Variants in RCN3 observed in about 807,000 individuals in gnomAD.
RCN3 encodes reticulocalbin-3.
A neutral mutation model predicts 35.9 loss-of-function variants in RCN3; 41 were observed. That is an observed-to-expected ratio of 1.14 (90% CI 0.89 to 1.48). RCN3 has a LOEUF of 1.48. Ranked by LOEUF, RCN3 falls within the 40% of genes most tolerant of loss-of-function variation. The probability of loss-of-function intolerance (pLI) is 0.00; values close to 1 mark genes in which losing one functional copy is unlikely to be tolerated. For synonymous variants in RCN3, 187 were observed against 193.4 expected (o/e 0.97, Z 0.27); for missense variants, 451 against 471.3 (o/e 0.96, Z 0.40).
chr19:49,535,881 G>T (rs1304286838), intron 3 of RCN3, among the ~76,000 whole-genome samples: 13 of 147,500 alleles, frequency 8.8e-5, no homozygotes, highest in African/African-American at 2.7e-4. Flanking sequence ...TATATAGATA[G>T]ATAGATAGAT....
rs73582463 is a variant in RCN3 at position 49,534,189 on chromosome 19, C to G, written c.243-4C>G. On this transcript the variant is annotated splice_region_variant and splice_polypyrimidine_tract_variant and intron_variant, in intron 2 of 6. Coordinates refer to ENST00000270645, the MANE Select transcript of RCN3 (RefSeq NM_020650.3). ...GCCTGACGTGTGCCCGCCCCGGCTT[C>G]TAGGCGGATCGTGGACCGCATGGAC... The G allele has an allele frequency of 0.079, 117,586 of 1,485,132 alleles. 5,528 individuals are homozygous for G. The highest frequency in any genetic ancestry group is 0.18 in the African/African-American group (12,447 of 68,578). 92.0% of individuals were successfully genotyped at this position (1,485,132 alleles called of 1,614,324 possible). A position where few individuals can be genotyped will look rare whatever the true frequency, so the allele number is the denominator to read the frequency against.
intron 2 of RCN3, among the ~76,000 whole-genome samples, chr19:49,532,465 T>TG (rs2080113470): frequency 1.3e-5 from 2 of 151,550 alleles, no homozygotes; most frequent in East Asian, 3.9e-4. Flanking sequence ...AACCTACGCC[T>TG]CCTGGGTTCA....
chr19:49,528,614 G>T lies in RCN3; in HGVS notation c.142G>T (p.Ala48Ser), dbSNP rs2080093325. The change falls in exon 2 of 7, where the codon GCC (alanine) becomes TCC (serine). Residue 48 changes from alanine to serine, a missense_variant. Coordinates refer to ENST00000270645, the MANE Select transcript of RCN3 (RefSeq NM_020650.3). ...APLSDAPHDD[A>S]HGNFQYDHEA... Reference sequence around the variant, plus strand: ...CCTGAGCGACGCTCCCCATGATGACGCCCACGGGAACTTCCAGTACGACCA... The same window carrying T: ...CCTGAGCGACGCTCCCCATGATGACTCCCACGGGAACTTCCAGTACGACCA... 1 of 1,611,960 alleles carries T rather than the reference G, an allele frequency of 6.2e-7. No homozygotes were observed. Among genetic ancestry groups the T allele is most frequent in the South Asian group, 1.1e-5 (1 of 90,688 alleles).
rs369159784 is a variant in RCN3, at chr19:49,543,302, G to A, written c.*89G>A. 2,979 of 1,065,504 alleles carry A rather than the reference G, an allele frequency of 2.8e-3. 80 individuals are homozygous for A. In the South Asian group the frequency reaches 0.037, roughly 13 times the overall value. The allele number at this position is 1,065,504 out of a possible 1,614,324, so 66.0% of individuals were successfully genotyped here. On this transcript the variant is annotated 3_prime_UTR_variant, in exon 7 of 7. Coordinates refer to ENST00000270645, the MANE Select transcript of RCN3 (RefSeq NM_020650.3). ...CTGGCCCCCTCCCTGTCCAGGCCCC[G>A]CAGGAGGCAGATGCAGTCCCAGGCA...
chr19:49,529,114 G>A (rs1435820646), intron 2 of RCN3, among the ~76,000 whole-genome samples: 1 of 152,166 alleles, frequency 6.6e-6, no homozygotes, highest in Non-Finnish European at 1.5e-5. Context: ...CTGGGAGGTG[G>A]AGGTTGCAGT....
At position 49,533,939 on chromosome 19, in the gene RCN3, C is replaced by G. The variant is rs552236454; in HGVS notation, c.243-254C>G. 1.7e-4 allele frequency among the ~76,000 whole-genome samples: 26 copies of G among 152,112 alleles called. No homozygotes were observed. In the South Asian group the frequency reaches 2.7e-3, roughly 16 times the overall value. ...CCTGCATCGTAGTAGGTCCCTCCCC[C>G]GCAGTGCTCCCAGCAGGCCCGCTCG... On this transcript the variant is annotated intron_variant, in intron 2 of 6. Coordinates refer to ENST00000270645, the MANE Select transcript of RCN3 (RefSeq NM_020650.3).
intron 5 of RCN3, among the ~76,000 whole-genome samples, chr19:49,540,301 A>C (rs2080157202): frequency 6.6e-6 from 1 of 151,734 alleles, no homozygotes; most frequent in Non-Finnish European, 1.5e-5. Context: ...ATGAATCACC[A>C]CACCTGGCTG....
Position 49,528,547 on chromosome 19 carries a change from C to T in RCN3, c.75C>T (p.Asp25=), listed in dbSNP as rs1347633135. Residue 25 remains aspartate, a synonymous_variant, in exon 2 of 7, where the codon GAC becomes GAT. Coordinates refer to ENST00000270645, the MANE Select transcript of RCN3 (RefSeq NM_020650.3). ...RHGAQGKPSP[D]AGPHGQGRVH... ...GGGCCCAGGGGAAGCCATCCCCAGA[C>T]GCAGGCCCTCATGGCCAGGGGAGGG... 16 of 1,588,112 alleles carry T rather than the reference C, an allele frequency of 1.0e-5. No individual in the cohort carries two copies. The highest frequency in any genetic ancestry group is 1.7e-4 in the Middle Eastern group (1 of 5,948).
Position 49,528,715 on chromosome 19 carries a change from G to A in RCN3, c.242+1G>A. 1 of 1,575,508 alleles carries A rather than the reference G, an allele frequency of 6.3e-7. No homozygotes were observed. The highest frequency in any genetic ancestry group is 1.8e-5 in the Admixed American group (1 of 54,964). On this transcript the variant is annotated splice_donor_variant, in intron 2 of 6. Coordinates refer to ENST00000270645, the MANE Select transcript of RCN3 (RefSeq NM_020650.3). LOFTEE classifies it high-confidence loss of function. ...CAGAGGAAAGCCAGGCCCGTCTGGGGTAAGAGAGACATTCGGTTGGGGCGT... is the reference window on the plus strand; with the variant it reads ...CAGAGGAAAGCCAGGCCCGTCTGGGATAAGAGAGACATTCGGTTGGGGCGT...
chr19:49,536,398 T>A (rs7246782), intron 3 of RCN3, among the ~76,000 whole-genome samples: 164 of 149,612 alleles, frequency 1.1e-3, no homozygotes, highest in African/African-American at 3.8e-3. Flanking sequence ...CCTCCTGGGT[T>A]CAAGCAATTC....
chr19:49,535,251 T>C (rs2080128634), intron 3 of RCN3, among the ~76,000 whole-genome samples: 1 of 152,168 alleles, frequency 6.6e-6, no homozygotes, highest in Non-Finnish European at 1.5e-5. Flanking sequence ...CTGCCCATAT[T>C]GTTCCCTCCA....
chr19:49,537,240 C>G (rs754434756), intron 4 of RCN3, 35 bp downstream of exon 4: 1 of 1,426,466 alleles, frequency 7.0e-7, no homozygotes, highest in East Asian at 2.7e-5. Flanking sequence ...TCCCCCACAC[C>G]CTTCCGGGGA....
rs1209764374 is a variant in RCN3 at position 49,543,118 on chromosome 19, A to G, written c.892A>G (p.Ser298Gly). ...ACCCTCCCTCCAGGATGGGCGGCTG[A>G]GCAAAGCGGAAATCCTGGGTAATTG... The part of the protein sequence containing the change: ...ESDTDKDGRL[S>G]KAEILGNWNM... The change falls in exon 7 of 7, where the codon AGC becomes GGC. Residue 298 changes from serine (S) to glycine (G), a missense_variant. Ser to Gly is a moderately conservative substitution (Grantham distance 56). Transcript: ENST00000270645. 3.0e-5 allele frequency: 49 copies of G among 1,613,936 alleles called. No individual in the cohort carries two copies. The highest frequency in any genetic ancestry group is 3.6e-5 in the Non-Finnish European group (42 of 1,179,980).
Position 49,537,136 on chromosome 19 carries a change from C to T in RCN3, c.549C>T (p.Ala183=), listed in dbSNP as rs764998563. Residue 183 remains alanine, a synonymous_variant, in exon 4 of 7, where the codon GCC becomes GCT. Coordinates refer to ENST00000270645, the MANE Select transcript of RCN3 (RefSeq NM_020650.3). ...RVADQDGDSM[A]TREELTAFLH... Reference sequence around the variant, plus strand: ...CCGACCAGGATGGGGACTCGATGGCCACTCGAGAGGAGCTGACAGCCTTCC... The same window carrying T: ...CCGACCAGGATGGGGACTCGATGGCTACTCGAGAGGAGCTGACAGCCTTCC... The T allele has an allele frequency of 6.3e-7, 1 of 1,597,990 alleles. No individual in the cohort carries two copies. Among genetic ancestry groups the T allele is most frequent in the South Asian group, 1.1e-5 (1 of 89,398 alleles).
intron 5 of RCN3, among the ~76,000 whole-genome samples, chr19:49,540,504 C>T (rs964945364): frequency 6.6e-6 from 1 of 151,958 alleles, no homozygotes; most frequent in Admixed American, 6.6e-5. Flanking sequence ...CCTGTAATCC[C>T]AGTTACTCTG....
At chr19:49,539,720 T>C (rs1475203019) in intron 5 of RCN3, among the ~76,000 whole-genome samples, 10 of 69,570 alleles carry the variant, frequency 1.4e-4, no homozygotes, top group Non-Finnish European at 2.0e-4. Context: ...AACAAGGAAT[T>C]TTTTTTTTTT....
At chr19:49,528,366 C>G in intron 1 of RCN3, 101 bp from the exon 2 acceptor site, 1 of 1,183,622 alleles carries the variant, frequency 8.4e-7, no homozygotes, top group Non-Finnish European at 1.1e-6. Flanking sequence ...ACTTCCAACT[C>G]CCTGTCCTGT....
chr19:49,532,501 G>A (rs560412777), intron 2 of RCN3, among the ~76,000 whole-genome samples: 5 of 151,524 alleles, frequency 3.3e-5, no homozygotes, highest in African/African-American at 1.2e-4. Context: ...TCAGCCTCCC[G>A]AGTAGTGGAT....
intron 3 of RCN3, among the ~76,000 whole-genome samples, chr19:49,536,238 G>A (rs1357085120): frequency 7.4e-5 from 11 of 149,398 alleles, no homozygotes; most frequent in African/African-American, 1.7e-4. Context: ...TGCCCACCTC[G>A]GCCTCCCAAA....
Sources: gnomAD v4.1 joint callset for allele counts (sites outside exome capture counted in the v4.1 genomes callset) on GRCh38, gnomAD v4.1.1 for gene constraint, MANE v1.5 for transcripts, NCBI Gene and HGNC (gene_info 2026-07-23, HGNC 2026-07-21) for gene names.